The following ASTN2 variants were observed in gnomAD, a reference collection of about 807,000 sequenced individuals.
The protein encoded by ASTN2 is astrotactin-2.
ASTN2 carries 54 observed loss-of-function variants against 139.8 expected under a neutral mutation model. The ratio of observed to expected loss-of-function variants is 0.39; its 90% CI spans 0.31 to 0.48. The LOEUF (loss-of-function observed/expected upper bound fraction) is 0.48, where lower values mean the gene tolerates loss of function less well. Among genes scored for constraint, ASTN2 ranks in the 20% least tolerant of loss-of-function variants. ASTN2 has a pLI of 0.95. For synonymous variants in ASTN2, 756 were observed against 719.5 expected, an observed-to-expected ratio of 1.05 and a Z score of -0.81; for missense variants, 1,565 against 1,725.1, an observed-to-expected ratio of 0.91 and a Z score of 1.64.
chr9:116,737,426 G>A (rs1828958126), intron 13 of ASTN2, among the ~76,000 whole-genome samples: 1 of 151,852 alleles, frequency 6.6e-6, no homozygotes, highest in Admixed American at 6.6e-5. Context: ...CGGGTGCTCA[G>A]GAATAATTCA....
intron 19 of ASTN2, among the ~76,000 whole-genome samples, chr9:116,528,755 C>G (rs1414309558): frequency 6.6e-6 from 1 of 152,154 alleles, no homozygotes; most frequent in Non-Finnish European, 1.5e-5. Flanking sequence ...ACCCTGCATT[C>G]CAGACGTTCC....
At chr9:116,517,326 A>G (rs531930763) in intron 19 of ASTN2, among the ~76,000 whole-genome samples, 3 of 152,230 alleles carry the variant, frequency 2.0e-5, no homozygotes, top group African/African-American at 7.2e-5. Context: ...CTGAAGACAG[A>G]TAACATTACA....
chr9:117,278,564 C>T (rs776922848), intron 2 of ASTN2, among the ~76,000 whole-genome samples: 8 of 152,100 alleles, frequency 5.3e-5, no homozygotes, highest in African/African-American at 1.2e-4. Flanking sequence ...ATTTTAGAGG[C>T]GGAAGCCAAG....
chr9:117,362,371 A>C (rs985118482), intron 1 of ASTN2, among the ~76,000 whole-genome samples: 1 of 99,108 alleles, frequency 1.0e-5, no homozygotes, highest in African/African-American at 2.7e-5. Context: ...TTGCCCCCGG[A>C]AAAAATCAAA....
At chr9:116,739,662 C>T (rs113763318) in intron 13 of ASTN2, among the ~76,000 whole-genome samples, 3 of 152,308 alleles carry the variant, frequency 2.0e-5, no homozygotes, top group African/African-American at 7.2e-5. Context: ...GATACATGTG[C>T]TCATGGAAGA....
At chr9:116,948,785 G>GTTTTTTTTTTTTGTTTTTTTTTTTTTT (rs1835471789) in intron 10 of ASTN2, among the ~76,000 whole-genome samples, 5 of 49,472 alleles carry the variant, frequency 1.0e-4, no homozygotes, top group African/African-American at 2.6e-4. Flanking sequence ...ATAATTTGGT[G>GTTTTTTTTTTTTGTTTTTTTTTTTTTT]TTTTTTTTTT....
rs1831287213 is a variant in ASTN2 at position 117,414,879 on chromosome 9, C to T, written c.60G>A (p.Pro20=). Residue 20 remains proline, a synonymous_variant, in exon 1 of 23, where the codon CCG becomes CCA. Coordinates refer to ENST00000313400, the MANE Select transcript of ASTN2 (RefSeq NM_001365068.1). This position sits in a 1 kb window ranked among gnomAD's most constrained non-coding sequence, Gnocchi z 4.2. Reference sequence around the variant, plus strand: ...GCGGCCCCGGGTGGAAGCAGAGCCTCGGCCGCCCCCGGAGCCCCGAGCCGG... The same window carrying T: ...GCGGCCCCGGGTGGAAGCAGAGCCTTGGCCGCCCCCGGAGCCCCGAGCCGG... ...PGPGSGLRGR[P]RLCFHPGPPP... 23 of 908,906 alleles carry T rather than the reference C, an allele frequency of 2.5e-5. No homozygotes were observed. The Admixed American group carries it at 7.6e-4, about 30-fold the overall frequency. 56.3% of individuals were successfully genotyped at this position (908,906 alleles called of 1,614,324 possible).
chr9:116,775,367 T>G (rs1830054091), intron 13 of ASTN2, among the ~76,000 whole-genome samples: 1 of 151,152 alleles, frequency 6.6e-6, no homozygotes, highest in Non-Finnish European at 1.5e-5. Flanking sequence ...CCAGCCCATC[T>G]TTTCTCACAC....
intron 4 of ASTN2, among the ~76,000 whole-genome samples, chr9:117,113,994 T>G (rs962268918): frequency 1.2e-4 from 19 of 152,144 alleles, no homozygotes; most frequent in African/African-American, 4.3e-4. Flanking sequence ...GTAAACAAGT[T>G]ATACTTTAAT....
chr9:116,991,163 C>T (rs981773668), intron 7 of ASTN2, among the ~76,000 whole-genome samples: 1 of 152,144 alleles, frequency 6.6e-6, no homozygotes, highest in Non-Finnish European at 1.5e-5. Flanking sequence ...TGGGGACACA[C>T]ACACACACAT....
chr9:116,697,833 C>T (rs746676204), intron 16 of ASTN2: 2 of 1,614,200 alleles, frequency 1.2e-6, no homozygotes, highest in East Asian at 2.2e-5. Context: ...CACAGAAGAG[C>T]AGCTGCGTCC....
At chr9:116,459,456 C>T (rs1848422279) in intron 20 of ASTN2, among the ~76,000 whole-genome samples, 1 of 151,860 alleles carries the variant, frequency 6.6e-6, no homozygotes, top group Non-Finnish European at 1.5e-5. Context: ...AGAACACTAT[C>T]AAAAAAGTCA....
chr9:116,489,270 T>C, intron 19 of ASTN2, among the ~76,000 whole-genome samples: 1 of 152,210 alleles, frequency 6.6e-6, no homozygotes, highest in Non-Finnish European at 1.5e-5. Context: ...AATATACAGA[T>C]CACTTCCTGT....
chr9:116,707,899 T>C (rs140566070), intron 16 of ASTN2, among the ~76,000 whole-genome samples: 7 of 152,186 alleles, frequency 4.6e-5, no homozygotes, highest in Non-Finnish European at 8.8e-5. Flanking sequence ...CAAATAGATA[T>C]GCCTCATCTT....
At chr9:116,861,973 C>CTTTTTT (rs56282333) in intron 11 of ASTN2, among the ~76,000 whole-genome samples, 3 of 133,632 alleles carry the variant, frequency 2.2e-5, no homozygotes, top group Non-Finnish European at 4.7e-5. Context: ...TTTCCTTCTT[C>CTTTTTT]TTTTTTTTTT....
At chr9:116,480,597 T>G (rs1849135415) in intron 20 of ASTN2, among the ~76,000 whole-genome samples, 2 of 152,140 alleles carry the variant, frequency 1.3e-5, no homozygotes, top group African/African-American at 4.8e-5. Context: ...ATTACAGTAT[T>G]AGTGAGTACC....
intron 16 of ASTN2, among the ~76,000 whole-genome samples, chr9:116,656,834 G>A (rs1279383053): frequency 6.6e-6 from 1 of 152,182 alleles, no homozygotes; most frequent in Non-Finnish European, 1.5e-5. Context: ...GAGAGCCAAA[G>A]CTGCACGGAT....
chr9:116,633,641 T>C (rs1045547650), intron 17 of ASTN2, among the ~76,000 whole-genome samples: 4 of 152,200 alleles, frequency 2.6e-5, no homozygotes, highest in African/African-American at 9.6e-5. Flanking sequence ...AGTTCCTAAA[T>C]AAAGAATTAC....
chr9:117,411,233 C>A (rs75772574), intron 1 of ASTN2, among the ~76,000 whole-genome samples: 1 of 152,124 alleles, frequency 6.6e-6, no homozygotes, highest in African/African-American at 2.4e-5. Flanking sequence ...AAGCTCTTAG[C>A]ATCACATTAA....
Sources: allele counts gnomAD v4.1 joint callset (sites outside exome capture counted in the v4.1 genomes callset), GRCh38; gene constraint gnomAD v4.1.1; non-coding constraint Gnocchi (gnomAD v3.1); transcripts MANE v1.5; gene names NCBI Gene and HGNC (gene_info 2026-07-23, HGNC 2026-07-21).